KIRREL3: variants seen among roughly 807,000 people sequenced by gnomAD.
KIRREL3 encodes the protein kin of IRRE-like protein 3.
KIRREL3 carries 36 observed loss-of-function variants against 89.7 expected under a neutral mutation model. The ratio of observed to expected loss-of-function variants is 0.40; its 90% CI spans 0.31 to 0.53. The LOEUF (loss-of-function observed/expected upper bound fraction) is 0.53, where lower values mean the gene tolerates loss of function less well. Among genes scored for constraint, KIRREL3 ranks in the 20% least tolerant of loss-of-function variants. KIRREL3 has a pLI of 0.49. For synonymous variants in KIRREL3, 445 were observed against 441.4 expected, an observed-to-expected ratio of 1.01 and a Z score of -0.10; for missense variants, 864 against 1,056.6, an observed-to-expected ratio of 0.82 and a Z score of 2.53.
chr11:126,971,585 C>T (rs1949426066), intron 1 of KIRREL3, among the ~76,000 whole-genome samples: 1 of 152,126 alleles, frequency 6.6e-6, no homozygotes, highest in African/African-American at 2.4e-5. Flanking sequence ...AGAGTGAGTT[C>T]CTGTCGTGAG....
In KIRREL3 at chr11:126,552,550, G is replaced by GTAT. The variant is rs201214323; in HGVS notation, c.133+10284_133+10285insATA. ...TGCATCACACAGGGGAGAGAGAAAA[G>GTAT]TTTTTTTTTTTTTTTTTTTTTTTTT... On this transcript the variant is annotated intron_variant, in intron 2 of 16. Coordinates refer to ENST00000525144, the MANE Select transcript of KIRREL3 (RefSeq NM_032531.4). Among the ~76,000 whole-genome samples, 809 of 81,750 alleles carry GTAT rather than the reference G, an allele frequency of 9.9e-3. 61 individuals are homozygous for GTAT. Among genetic ancestry groups the GTAT allele is most frequent in the African/African-American group, 0.03 (716 of 23,480 alleles). The allele number at this position is 81,750 out of a possible 152,430, so 53.6% of individuals were successfully genotyped here. A position where few individuals can be genotyped will look rare whatever the true frequency, so the allele number is the denominator to read the frequency against.
At chr11:126,435,151 G>A in intron 13 of KIRREL3, 117 bp downstream of exon 13, 2 of 1,065,292 alleles carry the variant, frequency 1.9e-6, no homozygotes, top group South Asian at 2.5e-5. Context: ...GACGGGGGAG[G>A]GCGGAGACAC....
rs888000466 is a variant in KIRREL3, at chr11:126,769,253, C to T, written c.56-206341G>A. ...CATTGCCATTACCTGCTTATGTGTC[C>T]TCCCTAGCGAGTAGCCTGCAACATG... On this transcript the variant is annotated intron_variant, in intron 1 of 16. Transcript: ENST00000525144. This position sits in a 1 kb window ranked among gnomAD's most constrained non-coding sequence, Gnocchi z 4.3. Among the ~76,000 whole-genome samples, 3 of 152,118 alleles carry T rather than the reference C, an allele frequency of 2.0e-5. No individual in the cohort carries two copies. The highest frequency in any genetic ancestry group is 4.4e-5 in the Non-Finnish European group (3 of 68,012).
chr11:126,866,590 G>A (rs1944929022), intron 1 of KIRREL3, among the ~76,000 whole-genome samples: 1 of 151,066 alleles, frequency 6.6e-6, no homozygotes, highest in African/African-American at 2.4e-5. Context: ...AGCCACTCCT[G>A]TTTTCACGCC....
intron 1 of KIRREL3, among the ~76,000 whole-genome samples, chr11:126,840,712 T>G (rs957948552): frequency 2.0e-5 from 3 of 152,208 alleles, no homozygotes; most frequent in Non-Finnish European, 2.9e-5. Flanking sequence ...CATCCCTCTG[T>G]GCAATTTCTC....
At chr11:126,886,205 G>A (rs1018922543) in intron 1 of KIRREL3, among the ~76,000 whole-genome samples, 1 of 152,206 alleles carries the variant, frequency 6.6e-6, no homozygotes, top group Non-Finnish European at 1.5e-5. Context: ...GTGCAGAAAT[G>A]TCTCAATGTT....
chr11:126,593,259 G>A (rs1365290073), intron 1 of KIRREL3, among the ~76,000 whole-genome samples: 1 of 152,182 alleles, frequency 6.6e-6, no homozygotes, highest in Non-Finnish European at 1.5e-5. Flanking sequence ...GTCACTGCTT[G>A]CGCGCTCAGC....
chr11:126,595,375 A>T (rs1243222531), intron 1 of KIRREL3, among the ~76,000 whole-genome samples: 2 of 152,206 alleles, frequency 1.3e-5, no homozygotes, highest in African/African-American at 4.8e-5. Context: ...CCAGCAGGCT[A>T]GTTGTCCCAG....
At chr11:126,956,210 G>A (rs1218177216) in intron 1 of KIRREL3, among the ~76,000 whole-genome samples, 2 of 152,172 alleles carry the variant, frequency 1.3e-5, no homozygotes, top group Admixed American at 6.5e-5. Flanking sequence ...TGAAGGCCAG[G>A]CATCGAGCCG....
intron 1 of KIRREL3, among the ~76,000 whole-genome samples, chr11:126,672,327 A>G (rs1445599936): frequency 6.6e-6 from 1 of 152,232 alleles, no homozygotes; most frequent in East Asian, 1.9e-4. Flanking sequence ...CCAGCAGGAC[A>G]GGGTGGTGCT....
At chr11:126,785,889 A>G (rs933577389) in intron 1 of KIRREL3, among the ~76,000 whole-genome samples, 5 of 150,094 alleles carry the variant, frequency 3.3e-5, no homozygotes, top group South Asian at 2.1e-4. Flanking sequence ...AAAAAAAAAA[A>G]AAAAAAAAAA....
rs538205588 is a variant in KIRREL3 at position 126,687,189 on chromosome 11, G to A, written c.56-124277C>T. Reference sequence around the variant, plus strand: ...AACACCTGCAACACTGTCATCAAACGTGCTGAGCCCTGCCTTGCGCCAGGC... The same window carrying A: ...AACACCTGCAACACTGTCATCAAACATGCTGAGCCCTGCCTTGCGCCAGGC... On this transcript the variant is annotated intron_variant, in intron 1 of 16. Transcript: ENST00000525144. The surrounding 1 kb of genome is among the most constrained non-coding windows in gnomAD (Gnocchi z 4.6). 6.6e-5 allele frequency among the ~76,000 whole-genome samples: 10 copies of A among 152,268 alleles called. No individual in the cohort carries two copies. Among genetic ancestry groups the A allele is most frequent in the African/African-American group, 1.2e-4 (5 of 41,566 alleles).
rs770923762 is a variant in KIRREL3 at position 126,558,418 on chromosome 11, C to T, written c.133+4417G>A. On this transcript the variant is annotated intron_variant, in intron 2 of 16. Transcript: ENST00000525144. The surrounding 1 kb of genome is among the most constrained non-coding windows in gnomAD (Gnocchi z 4.0). ...TTCCAGCCACCCTGAAAAATGAAAC[C>T]AAGCTGAAGTGTTAGAGGCTTTCCC... Among the ~76,000 whole-genome samples the T allele has an allele frequency of 3.3e-5, 5 of 152,100 alleles. No homozygotes were observed. The highest frequency in any genetic ancestry group is 6.6e-5 in the Admixed American group (1 of 15,256).
At chr11:126,466,274 A>G (rs1361558749) in intron 5 of KIRREL3, among the ~76,000 whole-genome samples, 3 of 152,264 alleles carry the variant, frequency 2.0e-5, no homozygotes, top group Non-Finnish European at 2.9e-5. Flanking sequence ...TGTGTTCATT[A>G]AACAAAAGGA....
chr11:126,862,988 G>A (rs896311037), intron 1 of KIRREL3, among the ~76,000 whole-genome samples: 3 of 152,236 alleles, frequency 2.0e-5, no homozygotes, highest in African/African-American at 7.2e-5. Context: ...GGATACCAGA[G>A]CTGTGAGTGA....
intron 1 of KIRREL3, among the ~76,000 whole-genome samples, chr11:126,941,746 C>T (rs925110951): frequency 6.6e-6 from 1 of 152,210 alleles, no homozygotes; most frequent in Non-Finnish European, 1.5e-5. Flanking sequence ...AGGGTGCTAT[C>T]CCCAAATCAG....
At position 126,867,551 on chromosome 11, in the gene KIRREL3, T is replaced by A. The variant is rs1039967302; in HGVS notation, c.55+132904A>T. On this transcript the variant is annotated intron_variant, in intron 1 of 16. Transcript: ENST00000525144. This position sits in a 1 kb window ranked among gnomAD's most constrained non-coding sequence, Gnocchi z 4.7. The stretch of plus-strand genomic sequence containing the variant: ...CTTCCATAGCACTTCAAGTCAGCAA[T>A]GACTGGGATTAGATAACAGATAATA... Among the ~76,000 whole-genome samples, 2 of 152,216 alleles carry A rather than the reference T, an allele frequency of 1.3e-5. No homozygotes were observed. Among genetic ancestry groups the A allele is most frequent in the Admixed American group, 1.3e-4 (2 of 15,286 alleles).
intron 1 of KIRREL3, among the ~76,000 whole-genome samples, chr11:126,956,624 T>C (rs1948930489): frequency 6.6e-6 from 1 of 152,132 alleles, no homozygotes; most frequent in African/African-American, 2.4e-5. Context: ...TCGGGGTGGA[T>C]TATCAATCGC....
chr11:126,765,418 C>A, intron 1 of KIRREL3, among the ~76,000 whole-genome samples: 1 of 152,184 alleles, frequency 6.6e-6, no homozygotes, highest in East Asian at 1.9e-4. Flanking sequence ...AACCCACTGC[C>A]ATGCCTGCTC....
Sources: gnomAD v4.1 joint callset for allele counts (sites outside exome capture counted in the v4.1 genomes callset) on GRCh38, gnomAD v4.1.1 for gene constraint, Gnocchi (gnomAD v3.1) non-coding constraint, MANE v1.5 for transcripts, NCBI Gene and HGNC (gene_info 2026-07-23, HGNC 2026-07-21) for gene names.